PTPRB: variants seen among roughly 807,000 people sequenced by gnomAD.
PTPRB encodes protein tyrosine phosphatase receptor type B.
In PTPRB, 97 loss-of-function variants were observed where a neutral mutation model predicts 238.1. The ratio of observed to expected loss-of-function variants is 0.41; its 90% CI spans 0.35 to 0.48. The LOEUF (loss-of-function observed/expected upper bound fraction) is 0.48. Ranked by LOEUF, PTPRB falls within the 20% of genes least tolerant of loss-of-function variation. The pLI is 0.30. For synonymous variants in PTPRB, 970 were observed against 995.4 expected, an observed-to-expected ratio of 0.97 and a Z score of 0.48; for missense variants, 2,292 against 2,681.9, an observed-to-expected ratio of 0.85 and a Z score of 3.21.
chr12:70,538,729 CAG>C (rs1874564040), intron 27 of PTPRB, 193 bp downstream of exon 27: 5 of 588,390 alleles, frequency 8.5e-6, no homozygotes, highest in Middle Eastern at 3.9e-4. Context: ...CTTTCATAAT[CAG>C]AATTTAAACT....
rs370239538 is a variant in PTPRB at position 70,594,479 on chromosome 12, G to A, written c.1504C>T (p.Leu502=). ...AAGLQNYRWK[L]VRTAPMEVSN... ...AGGGGGAACTTACCTGTCCTGACTA[G>A]TTTCCACCTGTAGTTTTGCAGCCCT... is the stretch of plus-strand genomic sequence containing the variant. The change falls in exon 6 of 34, where the codon CTA becomes TTA. Residue 502 remains leucine (L), a synonymous_variant. Transcript: ENST00000334414. 1.2e-6 allele frequency: 2 copies of A among 1,613,972 alleles called. No homozygotes were observed. The highest frequency in any genetic ancestry group is 1.7e-6 in the Non-Finnish European group (2 of 1,179,880).
intron 2 of PTPRB, among the ~76,000 whole-genome samples, chr12:70,626,653 T>C (rs565521557): frequency 2.0e-5 from 3 of 152,228 alleles, no homozygotes; most frequent in African/African-American, 7.2e-5. Context: ...AGGATGTGTG[T>C]AGGTTATATG....
intron 21 of PTPRB, among the ~76,000 whole-genome samples, chr12:70,547,940 C>T (rs770673562): frequency 6.6e-6 from 1 of 152,178 alleles, no homozygotes; most frequent in Non-Finnish European, 1.5e-5. Context: ...GAAGATCACA[C>T]AGAAAGATAT....
chr12:70,522,376 C>T (rs1871747854), intron 33 of PTPRB: 1 of 152,160 alleles, frequency 6.6e-6, no homozygotes, highest in Admixed American at 6.5e-5. Context: ...TAATGGCAGC[C>T]CCAGTCTAAG....
intron 26 of PTPRB, 113 bp from the exon 27 acceptor site, chr12:70,539,127 A>G (rs1874645858): frequency 1.2e-6 from 1 of 832,844 alleles, no homozygotes; most frequent in African/African-American, 1.7e-5. Context: ...GCTATTGTTT[A>G]TGAATGCCTA....
In PTPRB at chr12:70,594,526, A is replaced by G; in HGVS notation, c.1457T>C (p.Leu486Pro). 1 of 1,613,994 alleles carries G rather than the reference A, an allele frequency of 6.2e-7. No homozygotes were observed. Among genetic ancestry groups the G allele is most frequent in the Non-Finnish European group, 8.5e-7 (1 of 1,179,888 alleles). The change falls in exon 6 of 34, where the codon CTC becomes CCC. Residue 486 changes from leucine (L) to proline (P), a missense_variant. This residue lies in a region of PTPRB where 1,205 missense variants were observed against 1,287.8 expected (regional missense o/e 0.94). Transcript: ENST00000334414. ...CCCTGCAGCCTCAGTCATAACAGTGAGGTTGTAGAGGTAGCCAGGGGTCAG... is the reference window on the plus strand; with the variant it reads ...CCCTGCAGCCTCAGTCATAACAGTGGGGTTGTAGAGGTAGCCAGGGGTCAG... The part of the protein sequence containing the change: ...HGLTPGYLYN[L>P]TVMTEAAGLQ...
At chr12:70,606,376 T>G (rs989375824) in intron 4 of PTPRB, among the ~76,000 whole-genome samples, 2 of 152,190 alleles carry the variant, frequency 1.3e-5, no homozygotes, top group African/African-American at 4.8e-5. Flanking sequence ...TTAATTCAAT[T>G]TTTTTATCCT....
At position 70,587,668 on chromosome 12, in the gene PTPRB, C is replaced by A. The variant is rs147584054; in HGVS notation, c.2051-401G>T. On this transcript the variant is annotated intron_variant, in intron 8 of 33. Coordinates refer to ENST00000334414, the MANE Select transcript of PTPRB (RefSeq NM_001109754.4). ...GGTTGAGGAGACCAAGTGCAACTTT[C>A]CCTCATTTCTGAGGTGGGGGACACT... Among the ~76,000 whole-genome samples, 19 of 152,222 alleles carry A rather than the reference C, an allele frequency of 1.2e-4. No individual in the cohort carries two copies. In the East Asian group the frequency reaches 3.3e-3, roughly 26 times the overall value.
At position 70,540,862 on chromosome 12, in the gene PTPRB, C is replaced by T. The variant is rs1482928219; in HGVS notation, c.5590G>A (p.Val1864Met). Residue 1864 changes from valine to methionine, a missense_variant, in exon 23 of 34, where the codon GTG becomes ATG. By Grantham distance (21) the Val-to-Met change is conservative (BLOSUM62 1). This residue lies in a region of PTPRB where 397 missense variants were observed against 502.0 expected (regional missense o/e 0.79). Transcript: ENST00000334414. The part of the protein sequence containing the change: ...VVALLICRQK[V>M]SHGRERPSAR... Reference sequence around the variant, plus strand: ...CAAAAGGATCTTTGTACTTACCTCACTTTCTGTCTGCAGATCAATAAGGCA... The same window carrying T: ...CAAAAGGATCTTTGTACTTACCTCATTTTCTGTCTGCAGATCAATAAGGCA... 3 of 1,596,398 alleles carry T rather than the reference C, an allele frequency of 1.9e-6. No homozygotes were observed. The African/African-American group carries it at 4.0e-5, about 21-fold the overall frequency.
intron 32 of PTPRB, chr12:70,527,829 G>T (rs1395223925): frequency 2.0e-5 from 3 of 152,118 alleles, no homozygotes; most frequent in African/African-American, 7.2e-5. Flanking sequence ...GTCACCCACA[G>T]GGGCTCAGCC....
rs1024743248 is a variant in PTPRB, at chr12:70,517,608, T to C, written c.*3881A>G. 9.2e-5 allele frequency: 14 copies of C among 152,358 alleles called. No individual in the cohort carries two copies. Among genetic ancestry groups the C allele is most frequent in the African/African-American group, 3.4e-4 (14 of 41,590 alleles). 9.4% of individuals were successfully genotyped at this position (152,358 alleles called of 1,614,324 possible). A position where few individuals can be genotyped will look rare whatever the true frequency, so the allele number is the denominator to read the frequency against. On this transcript the variant is annotated 3_prime_UTR_variant, in exon 34 of 34. Coordinates refer to ENST00000334414, the MANE Select transcript of PTPRB (RefSeq NM_001109754.4). ...AGTTATTCCTTATTGCCACTCTGTC[T>C]TGGCTAATCAGTTATATTTTCATTT... is the stretch of plus-strand genomic sequence containing the variant.
chr12:70,533,425 T>G (rs1873600227), intron 31 of PTPRB, among the ~76,000 whole-genome samples: 1 of 152,174 alleles, frequency 6.6e-6, no homozygotes, highest in Non-Finnish European at 1.5e-5. Context: ...TGCCATTCAG[T>G]TAGGGCTATC....
chr12:70,622,626 A>G lies in PTPRB; in HGVS notation c.472T>C (p.Ser158Pro), dbSNP rs778080671. The G allele has an allele frequency of 5.7e-6, 9 of 1,574,714 alleles. No homozygotes were observed. The highest frequency in any genetic ancestry group is 7.8e-6 in the Non-Finnish European group (9 of 1,156,824). The change falls in exon 3 of 34, where the codon TCG becomes CCG. Residue 158 changes from serine to proline, a missense_variant. Transcript: ENST00000334414. ...GCCGTGTTTCTAGTGCTCCTCACCG[A>G]AACTTCTGCTCCCAGGCCAGCTGAG... ...LQKAGLGAEV[S>P]VRSTRNTAPP...
In PTPRB at chr12:70,555,891, T is replaced by C; in HGVS notation, c.4972A>G (p.Ser1658Gly). ...TTACGGTCTATCATTGTGATAGTGC[T>C]GTCTTCAACCACCTCGCTGGTCATG... ...AGMTSEVVED[S>G]TITMIDRPPP... is the part of the protein sequence containing the mutation. The change falls in exon 19 of 34, where the codon AGC (serine) becomes GGC (glycine). Residue 1658 changes from serine to glycine, a missense_variant. Physicochemically the swap from Ser to Gly is moderately conservative, Grantham distance 56 (BLOSUM62 0). Around this residue, in one of 4 missense-constraint regions of PTPRB, gnomAD observed 683 missense variants for 862.0 expected, o/e 0.79. Transcript: ENST00000334414. The C allele has an allele frequency of 6.2e-7, 1 of 1,612,878 alleles. No individual in the cohort carries two copies. The highest frequency in any genetic ancestry group is 2.2e-5 in the East Asian group (1 of 44,876).
At chr12:70,590,642 T>A (rs1227438607) in intron 7 of PTPRB, among the ~76,000 whole-genome samples, 1 of 149,286 alleles carries the variant, frequency 6.7e-6, no homozygotes, top group African/African-American at 2.5e-5. Flanking sequence ...CTCTATAATC[T>A]GCAGAATAAA....
At chr12:70,604,819 G>A (rs1310059315) in intron 4 of PTPRB, among the ~76,000 whole-genome samples, 5 of 152,144 alleles carry the variant, frequency 3.3e-5, no homozygotes, top group African/African-American at 1.2e-4. Context: ...ACCACTATAT[G>A]AGGACATGCA....
At chr12:70,592,596 T>G (rs1882600685) in intron 6 of PTPRB, 51 bp from the exon 7 acceptor site, 1 of 1,553,808 alleles carries the variant, frequency 6.4e-7, no homozygotes, top group Admixed American at 1.9e-5. Flanking sequence ...CTCTCACAAG[T>G]CCTATGGCCA....
chr12:70,626,367 A>ATCTATC (rs1885197829), intron 2 of PTPRB, among the ~76,000 whole-genome samples: 2 of 80,596 alleles, frequency 2.5e-5, no homozygotes, highest in African/African-American at 7.9e-5. Flanking sequence ...ATCTATCTAT[A>ATCTATC]TTCCTGCCTG....
chr12:70,593,481 C>A (rs1047374848), intron 6 of PTPRB, among the ~76,000 whole-genome samples: 1 of 143,674 alleles, frequency 7.0e-6, no homozygotes, highest in African/African-American at 2.6e-5. Context: ...CCATTGCACT[C>A]CAGCCCAGCC....
Sources: allele counts gnomAD v4.1 joint callset (sites outside exome capture counted in the v4.1 genomes callset), GRCh38; gene constraint gnomAD v4.1.1; regional missense constraint gnomAD v4.1.1; transcripts MANE v1.5; gene names NCBI Gene and HGNC (gene_info 2026-07-23, HGNC 2026-07-21).